NUDT6: variants seen among roughly 807,000 people sequenced by gnomAD.
NUDT6 encodes nudix hydrolase 6.
In NUDT6, 24 loss-of-function variants were observed where a neutral mutation model predicts 36.8. The ratio of observed to expected loss-of-function variants is 0.65; its 90% CI spans 0.47 to 0.92. The LOEUF (loss-of-function observed/expected upper bound fraction) is 0.92. Among genes scored for constraint, NUDT6 ranks in the 40% least tolerant of loss-of-function variants. The pLI is 0.00. For missense variants in NUDT6, 388 were observed against 392.8 expected (o/e 0.99, Z 0.10); for synonymous variants, 163 against 157.0 (o/e 1.04, Z -0.29).
Position 122,917,601 on chromosome 4 carries a change from G to T in NUDT6, c.342C>A (p.Cys114Ter), listed in dbSNP as rs565277325. The change falls in exon 2 of 5, where the codon TGC (cysteine) becomes TGA (stop). Residue 114 changes from cysteine to a stop codon, truncating the protein, a stop_gained. Transcript: ENST00000304430. LOFTEE classifies it high-confidence loss of function. ...ATGAATCCGATTCTGCGTGGTGAAA[G>T]CAGAAGCCCAGGGAAGCAGCAGGGG... is the stretch of plus-strand genomic sequence containing the variant. ...FIAPAASLGF[C>*]FHHAESDSST... The T allele has an allele frequency of 6.2e-7, 1 of 1,614,204 alleles. No homozygotes were observed. Among genetic ancestry groups the T allele is most frequent in the South Asian group, 1.1e-5 (1 of 91,082 alleles).
intron 3 of NUDT6, among the ~76,000 whole-genome samples, chr4:122,899,536 T>C (rs1368531850): frequency 6.6e-6 from 1 of 152,318 alleles, no homozygotes; most frequent in East Asian, 1.9e-4. Flanking sequence ...TCCTAAGCTA[T>C]GTGGTTTGTG....
In NUDT6 at chr4:122,893,294, T is replaced by A. The variant is rs1727247266; in HGVS notation, c.554-69A>T. On this transcript the variant is annotated intron_variant, in intron 4 of 4. Coordinates refer to ENST00000304430, the MANE Select transcript of NUDT6 (RefSeq NM_007083.5). ...TTAGAAACTGTATCATCAAAGATTT[T>A]CAGTTAAAGTAGCATTATGTAAAGG... is the stretch of plus-strand genomic sequence containing the variant. 4 of 1,429,854 alleles carry A rather than the reference T, an allele frequency of 2.8e-6. No homozygotes were observed. The South Asian group carries it at 4.3e-5, about 15-fold the overall frequency. 88.6% of individuals were successfully genotyped at this position (1,429,854 alleles called of 1,614,324 possible). A position where few individuals can be genotyped will look rare whatever the true frequency, so the allele number is the denominator to read the frequency against.
chr4:122,901,435 C>T (rs1489112292), intron 3 of NUDT6, among the ~76,000 whole-genome samples: 1 of 152,150 alleles, frequency 6.6e-6, no homozygotes, highest in Non-Finnish European at 1.5e-5. Context: ...TTGCCAATTA[C>T]AAGTCTGATG....
At chr4:122,899,299 C>T (rs1727461423) in intron 3 of NUDT6, among the ~76,000 whole-genome samples, 1 of 151,896 alleles carries the variant, frequency 6.6e-6, no homozygotes, top group Non-Finnish European at 1.5e-5. Context: ...TTAATTAAAT[C>T]TGGAGATGAA....
Position 122,907,513 on chromosome 4 carries a change from C to T in NUDT6, c.498+5055G>A, listed in dbSNP as rs187640355. Among the ~76,000 whole-genome samples, 1,390 of 146,848 alleles carry T rather than the reference C, an allele frequency of 9.5e-3. 18 individuals are homozygous for T. The highest frequency in any genetic ancestry group is 0.031 in the African/African-American group (1,244 of 39,674). ...TCACCCAGGCTGGAGTGCAGTGGCG[C>T]GATCTTGGCTCACTGCAACCTCCAC... On this transcript the variant is annotated intron_variant, in intron 3 of 4. Transcript: ENST00000304430.
At chr4:122,905,768 T>C (rs1353034529) in intron 3 of NUDT6, among the ~76,000 whole-genome samples, 2 of 152,164 alleles carry the variant, frequency 1.3e-5, no homozygotes, top group African/African-American at 4.8e-5. Flanking sequence ...TTAACAAATA[T>C]TTGGAGGCTA....
At position 122,917,676 on chromosome 4, in the gene NUDT6, A is replaced by G. The variant is rs775921811; in HGVS notation, c.267T>C (p.Gly89=). 50 of 1,614,024 alleles carry G rather than the reference A, an allele frequency of 3.1e-5. No individual in the cohort carries two copies. Among genetic ancestry groups the G allele is most frequent in the Non-Finnish European group, 1.7e-6 (2 of 1,180,018 alleles). ...QAAVQQWRSE[G]RTAVWLHIPI... ...GAATGTGCAGCCATACAGCTGTTCT[A>G]CCTTCTGATCGCCATTGCTGTACTG... Residue 89 remains glycine, a synonymous_variant, in exon 2 of 5, where the codon GGT becomes GGC. Coordinates refer to ENST00000304430, the MANE Select transcript of NUDT6 (RefSeq NM_007083.5).
At chr4:122,918,535 C>T (rs1727899533) in intron 1 of NUDT6, 1 of 152,154 alleles carries the variant, frequency 6.6e-6, no homozygotes, top group Admixed American at 6.5e-5. Flanking sequence ...TTTCTTCATC[C>T]ATCATCTCAC....
chr4:122,912,633 G>C lies in NUDT6; in HGVS notation c.443-10C>G, dbSNP rs1162956462. The C allele has an allele frequency of 2.7e-6, 4 of 1,493,248 alleles. No homozygotes were observed. The allele number at this position is 1,493,248 out of a possible 1,614,324, so 92.5% of individuals were successfully genotyped here. A position where few individuals can be genotyped will look rare whatever the true frequency, so the allele number is the denominator to read the frequency against. On this transcript the variant is annotated splice_polypyrimidine_tract_variant and intron_variant, in intron 2 of 4. Transcript: ENST00000304430. ...TCATCAAATACAGCTCCTATTAGGG[G>C]AAAAAGAAAAGATAATTGAGAAATA...
At chr4:122,915,131 T>C (rs1727802871) in intron 2 of NUDT6, among the ~76,000 whole-genome samples, 1 of 152,058 alleles carries the variant, frequency 6.6e-6, no homozygotes. Context: ...CCAGTAGATG[T>C]CAAGGCTCTG....
intron 3 of NUDT6, among the ~76,000 whole-genome samples, chr4:122,900,421 A>G (rs1364323082): frequency 1.3e-5 from 2 of 150,732 alleles, no homozygotes; most frequent in East Asian, 3.9e-4. Context: ...ATCTTTCTAC[A>G]ATTTTTCCCA....
intron 3 of NUDT6, among the ~76,000 whole-genome samples, chr4:122,901,101 G>A (rs1345163335): frequency 6.6e-6 from 1 of 151,976 alleles, no homozygotes; most frequent in African/African-American, 2.4e-5. Flanking sequence ...ACTCTCTTGT[G>A]AAACAAGTAT....
rs13107064 is a variant in NUDT6 at position 122,915,493 on chromosome 4, A to G, written c.442+2008T>C. ...TCAAAAAAAAAAAAAAAAAAAAAAA[A>G]AAAAACAACTCTGCACCTTTCCAGA... On this transcript the variant is annotated intron_variant, in intron 2 of 4. Coordinates refer to ENST00000304430, the MANE Select transcript of NUDT6 (RefSeq NM_007083.5). 3.7e-4 allele frequency among the ~76,000 whole-genome samples: 54 copies of G among 147,918 alleles called. 1 individual carries two copies. The highest frequency in any genetic ancestry group is 3.5e-3 in the Middle Eastern group (1 of 288).
At chr4:122,912,893 A>G (rs1328378849) in intron 2 of NUDT6, among the ~76,000 whole-genome samples, 1 of 152,206 alleles carries the variant, frequency 6.6e-6, no homozygotes, top group Non-Finnish European at 1.5e-5. Context: ...TATACACCTT[A>G]TACTCATAGC....
rs113375073 is a variant in NUDT6, at chr4:122,922,585, T to TA, written c.-14dup. The stretch of plus-strand genomic sequence containing the variant: ...GTGGCTGCCGCATCTCCACGCCGCT[T>TA]AATTCGTCCGTTGCCCAAATGACCC... On this transcript the variant is annotated 5_prime_UTR_variant, in exon 1 of 5. Coordinates refer to ENST00000304430, the MANE Select transcript of NUDT6 (RefSeq NM_007083.5). The TA allele has an allele frequency of 7.4e-4, 1,175 of 1,586,394 alleles. 6 individuals are homozygous for TA. In the African/African-American group the frequency reaches 0.011, roughly 15 times the overall value.
chr4:122,916,201 ACT>A (rs1389669767), intron 2 of NUDT6, among the ~76,000 whole-genome samples: 1 of 151,982 alleles, frequency 6.6e-6, no homozygotes, highest in Admixed American at 6.6e-5. Flanking sequence ...TGAATCAGAA[ACT>A]CTGGGGATAG....
At chr4:122,922,958 CAA>C (rs1728137764), upstream of NUDT6, 1 of 683,324 alleles carries the variant, frequency 1.5e-6, no homozygotes, top group African/African-American at 1.8e-5. Context: ...ACAGCTGTTT[CAA>C]AGACTGCTGG....
chr4:122,893,883 T>C (rs1727267205), intron 4 of NUDT6: 1 of 152,236 alleles, frequency 6.6e-6, no homozygotes, highest in Admixed American at 6.5e-5. Context: ...AGAAGCCCTT[T>C]AAAAAGCTGC....
chr4:122,905,088 C>A (rs1205906408), intron 3 of NUDT6, among the ~76,000 whole-genome samples: 1 of 152,112 alleles, frequency 6.6e-6, no homozygotes, highest in African/African-American at 2.4e-5. Context: ...GCTTTTATTT[C>A]CTTATTTGTC....
Sources: allele counts gnomAD v4.1 joint callset (sites outside exome capture counted in the v4.1 genomes callset), GRCh38; gene constraint gnomAD v4.1.1; transcripts MANE v1.5; gene names NCBI Gene and HGNC (gene_info 2026-07-23, HGNC 2026-07-21).